Variants in PSEN2 observed in about 807,000 individuals in gnomAD.
PSEN2 encodes the protein presenilin-2.
In PSEN2, 32 loss-of-function variants were observed where a neutral mutation model predicts 49.1. The ratio of observed to expected loss-of-function variants is 0.65; its 90% CI spans 0.49 to 0.88. PSEN2 has a LOEUF of 0.88. Ranked by LOEUF, PSEN2 falls within the 40% of genes least tolerant of loss-of-function variation. PSEN2 has a pLI of 0.00. For synonymous variants in PSEN2, 255 were observed against 244.0 expected (o/e 1.05, Z -0.42); for missense variants, 522 against 586.9 (o/e 0.89, Z 1.14).
chr1:226,888,304 G>A (rs562037428), intron 7 of PSEN2, 146 bp downstream of exon 7: 6 of 736,842 alleles, frequency 8.1e-6, no homozygotes, highest in East Asian at 8.0e-5. Flanking sequence ...CCAGGCCTCC[G>A]TCGCCCTCTC....
chr1:226,887,889 C>T (rs1035782178), intron 6 of PSEN2, among the ~76,000 whole-genome samples: 5 of 152,248 alleles, frequency 3.3e-5, no homozygotes, highest in Admixed American at 6.5e-5. Flanking sequence ...TGTCTGCATG[C>T]GCTGCAGGAT....
intron 12 of PSEN2, among the ~76,000 whole-genome samples, chr1:226,902,115 T>A (rs1181761528): frequency 6.6e-6 from 1 of 151,974 alleles, no homozygotes; most frequent in African/African-American, 2.4e-5. Context: ...AGATAGGGGT[T>A]GGGGGGATGA....
chr1:226,889,221 A>G (rs1475373768), intron 8 of PSEN2, among the ~76,000 whole-genome samples, 172 bp downstream of exon 8: 1 of 151,314 alleles, frequency 6.6e-6, no homozygotes, highest in African/African-American at 2.4e-5. Context: ...GGGGTCCACT[A>G]TTTCTGGAAC....
intron 3 of PSEN2, among the ~76,000 whole-genome samples, chr1:226,877,180 AG>A (rs139498276): frequency 0.035 from 5,299 of 152,262 alleles, 288 homozygotes; most frequent in African/African-American, 0.12. Context: ...TGCCAGGAAA[AG>A]TCTGACACTG....
intron 11 of PSEN2, 21 bp downstream of exon 11, chr1:226,891,865 C>A: frequency 6.2e-7 from 1 of 1,600,994 alleles, no homozygotes; most frequent in South Asian, 1.1e-5. Context: ...CATGTTCACA[C>A]GGCCTGCTTC....
chr1:226,888,129 G>C lies in PSEN2; in HGVS notation c.537G>C (p.Leu179=). 4 of 1,613,876 alleles carry C rather than the reference G, an allele frequency of 2.5e-6. No individual in the cohort carries two copies. Among genetic ancestry groups the C allele is most frequent in the Non-Finnish European group, 2.5e-6 (3 of 1,179,740 alleles). ...GGTTGATCATGTCTTCACTGATGCT[G>C]CTGTTCCTCTTCACCTATATCTACC... is the stretch of plus-strand genomic sequence containing the variant. ...HGWLIMSSLM[L]LFLFTYIYLG... Residue 179 remains leucine, a synonymous_variant, in exon 7 of 13, where the codon CTG becomes CTC. Coordinates refer to ENST00000366783, the MANE Select transcript of PSEN2 (RefSeq NM_000447.3).
At chr1:226,897,025 G>T (rs1416498532), downstream of PSEN2, among the ~76,000 whole-genome samples, 1 of 152,178 alleles carries the variant, frequency 6.6e-6, no homozygotes, top group Non-Finnish European at 1.5e-5. Context: ...AAAATGTGGT[G>T]CCCTAAGAAG....
intron 2 of PSEN2, among the ~76,000 whole-genome samples, chr1:226,874,065 T>G (rs1660473530): frequency 6.6e-6 from 1 of 152,090 alleles, no homozygotes; most frequent in African/African-American, 2.4e-5. Context: ...GAGTGAGCCC[T>G]GGGGGCAGGA....
At chr1:226,893,245 T>TA (rs1241170742) in intron 11 of PSEN2, among the ~76,000 whole-genome samples, 3 of 152,174 alleles carry the variant, frequency 2.0e-5, no homozygotes, top group African/African-American at 7.2e-5. Flanking sequence ...TTAGTTTTAT[T>TA]ATAAGAGATG....
chr1:226,880,978 C>CT (rs1229801796), intron 3 of PSEN2, among the ~76,000 whole-genome samples: 2 of 152,222 alleles, frequency 1.3e-5, no homozygotes, highest in African/African-American at 4.8e-5. Flanking sequence ...AATTCATGGT[C>CT]TTTCCCGAGA....
chr1:226,883,806 CAA>C lies in PSEN2; in HGVS notation c.245_246del (p.Lys82IlefsTer44). On this transcript the variant is annotated frameshift_variant, in exon 5 of 13. Coordinates refer to ENST00000366783, the MANE Select transcript of PSEN2 (RefSeq NM_000447.3). LOFTEE classifies it high-confidence loss of function. ...CAGGCCTGGAGGAAGAGCTGACCCT[CAA>C]ATACGGAGCGAAGCACGTGATCATG... Reference protein sequence around the residue: ...PPGLEEELTLKYGAKHVIMLF... With the variant: ...PPGLEEELTLXYGAKHVIMLF... The C allele has an allele frequency of 1.9e-6, 3 of 1,614,166 alleles. No homozygotes were observed. Among genetic ancestry groups the C allele is most frequent in the Non-Finnish European group, 2.5e-6 (3 of 1,180,034 alleles).
intron 5 of PSEN2, 56 bp downstream of exon 5, chr1:226,883,975 T>TGGGGGGGGGGGGGGGGGGCCGGGGGGG: frequency 1.5e-5 from 2 of 129,696 alleles, no homozygotes; most frequent in East Asian, 1.5e-4. Flanking sequence ...TGCCAGGGGG[T>TGGGGGGGGGGGGGGGGGGCCGGGGGGG]GGGGGGCGCA....
intron 5 of PSEN2, among the ~76,000 whole-genome samples, chr1:226,885,254 G>A (rs184316899): frequency 1.3e-5 from 2 of 152,198 alleles, no homozygotes; most frequent in Admixed American, 6.5e-5. Flanking sequence ...TTTAATCCCT[G>A]TGGGGGTGGG....
downstream of PSEN2, among the ~76,000 whole-genome samples, chr1:226,900,281 C>T (rs978473532): frequency 2.0e-5 from 3 of 152,128 alleles, no homozygotes; most frequent in African/African-American, 4.8e-5. Context: ...TGCCCCCCAC[C>T]GCTGCCACCA....
Position 226,891,742 on chromosome 1 carries a change from G to A in PSEN2, c.971-1G>A. ...GACATCTTCTCTTCCTGGACACCCA[G>A]AAGAAGACTCCTATGACAGTTTTGG... is the stretch of plus-strand genomic sequence containing the variant. On this transcript the variant is annotated splice_acceptor_variant, in intron 10 of 12. Coordinates refer to ENST00000366783, the MANE Select transcript of PSEN2 (RefSeq NM_000447.3). LOFTEE classifies it high-confidence loss of function. The A allele has an allele frequency of 6.2e-7, 1 of 1,613,416 alleles. No individual in the cohort carries two copies. Among genetic ancestry groups the A allele is most frequent in the Non-Finnish European group, 8.5e-7 (1 of 1,179,404 alleles).
intron 3 of PSEN2, among the ~76,000 whole-genome samples, chr1:226,878,787 A>G (rs751465917): frequency 5.9e-5 from 9 of 152,238 alleles, no homozygotes; most frequent in African/African-American, 2.2e-4. Flanking sequence ...AAAAGGAGGT[A>G]TTAAAAGAGC....
At chr1:226,884,022 C>A in intron 5 of PSEN2, 103 bp downstream of exon 5, 1 of 1,006,962 alleles carries the variant, frequency 9.9e-7, no homozygotes, top group Non-Finnish European at 1.5e-6. Context: ...CAGCTCCACA[C>A]CAGCAGCGGT....
downstream of PSEN2, chr1:226,899,072 C>T (rs1571978424): frequency 6.6e-6 from 1 of 152,124 alleles, no homozygotes; most frequent in Admixed American, 6.5e-5. Context: ...TTGTGGCTTG[C>T]CTCTCTTCCC....
downstream of PSEN2, among the ~76,000 whole-genome samples, chr1:226,896,729 C>T (rs1161175096): frequency 6.6e-6 from 1 of 152,048 alleles, no homozygotes; most frequent in Admixed American, 6.6e-5. Flanking sequence ...AGCATGGTGG[C>T]ATGCATCTGT....
Sources: allele counts gnomAD v4.1 joint callset (sites outside exome capture counted in the v4.1 genomes callset), GRCh38; gene constraint gnomAD v4.1.1; transcripts MANE v1.5; gene names NCBI Gene and HGNC (gene_info 2026-07-23, HGNC 2026-07-21).